The following LCA5L variants were observed in gnomAD, a reference collection of about 807,000 sequenced individuals.
LCA5L encodes lebercilin LCA5 like, also known as lebercilin-like protein.
LCA5L carries 35 observed loss-of-function variants against 45.4 expected under a neutral mutation model. The ratio of observed to expected loss-of-function variants is 0.77; its 90% CI spans 0.59 to 1.02. The LOEUF (loss-of-function observed/expected upper bound fraction) is 1.02, where lower values mean the gene tolerates loss of function less well. Among genes scored for constraint, LCA5L ranks in the 50% least tolerant of loss-of-function variants. The pLI is 0.00. For synonymous variants in LCA5L, 233 were observed against 264.7 expected (o/e 0.88, Z 1.16); for missense variants, 668 against 761.6 (o/e 0.88, Z 1.45).
intron 7 of LCA5L, among the ~76,000 whole-genome samples, chr21:39,418,662 G>T (rs1017898631): frequency 6.6e-6 from 1 of 152,012 alleles, no homozygotes; most frequent in African/African-American, 2.4e-5. Flanking sequence ...ACCATGCCAA[G>T]CTAATTTTTG....
intron 1 of LCA5L, 104 bp downstream of exon 1, chr21:39,445,620 TG>T (rs2077405324): frequency 6.6e-6 from 1 of 152,614 alleles, no homozygotes; most frequent in Non-Finnish European, 1.5e-5. Flanking sequence ...CCGGCGATAC[TG>T]GAAGCCCAGA....
rs146234593 is a variant in LCA5L at position 39,417,320 on chromosome 21, A to C, written c.975+3386T>G. Reference sequence around the variant, plus strand: ...CTCCCAAAGTGCTGGGATTACAGGCATGAGCCACTGTACCCAGCTGCTTTT... The same window carrying C: ...CTCCCAAAGTGCTGGGATTACAGGCCTGAGCCACTGTACCCAGCTGCTTTT... On this transcript the variant is annotated intron_variant, in intron 7 of 10. Coordinates refer to ENST00000288350, the MANE Select transcript of LCA5L (RefSeq NM_152505.4). Among the ~76,000 whole-genome samples, 519 of 152,282 alleles carry C rather than the reference A, an allele frequency of 3.4e-3. 2 individuals are homozygous for C. Among genetic ancestry groups the C allele is most frequent in the African/African-American group, 0.012 (498 of 41,542 alleles).
intron 7 of LCA5L, among the ~76,000 whole-genome samples, chr21:39,418,067 G>T (rs1055895887): frequency 6.6e-6 from 1 of 152,168 alleles, no homozygotes; most frequent in Non-Finnish European, 1.5e-5. Context: ...CGCCCAGCGG[G>T]GGAGTTTCTT....
At position 39,405,785 on chromosome 21, in the gene LCA5L, A is replaced by G. The variant is rs2039006088; in HGVS notation, c.*97T>C. On this transcript the variant is annotated 3_prime_UTR_variant, in exon 11 of 11. Transcript: ENST00000288350. The stretch of plus-strand genomic sequence containing the variant: ...GTCAATTAAGTACTAAAACACACAC[A>G]TACATACACTCCCTCTCTCACACAT... The G allele has an allele frequency of 1.1e-6, 1 of 941,236 alleles. No homozygotes were observed. The highest frequency in any genetic ancestry group is 2.0e-5 in the South Asian group (1 of 49,362). 58.3% of individuals were successfully genotyped at this position (941,236 alleles called of 1,614,324 possible).
rs1247730746 is a variant in LCA5L, at chr21:39,423,223, G to A, written c.590C>T (p.Pro197Leu). ...GKYENSQNNL[P>L]QIMAKHQNEV... ...ATTCTGATGTTTAGCCATAATTTGA[G>A]GTAGATTATTTTGTGAATTCTCATA... The change falls in exon 6 of 11, where the codon CCT (proline) becomes CTT (leucine). Residue 197 changes from proline (P) to leucine (L), a missense_variant. Transcript: ENST00000288350. 1.2e-6 allele frequency: 2 copies of A among 1,611,306 alleles called. No individual in the cohort carries two copies. Among genetic ancestry groups the A allele is most frequent in the Admixed American group, 3.4e-5 (2 of 59,528 alleles).
intron 2 of LCA5L, among the ~76,000 whole-genome samples, chr21:39,442,065 G>A (rs2076917825): frequency 6.8e-6 from 1 of 147,626 alleles, no homozygotes; most frequent in Non-Finnish European, 1.5e-5. Flanking sequence ...TGTCTTCAAG[G>A]AAGGAGATAC....
At position 39,405,863 on chromosome 21, in the gene LCA5L, A is replaced by G. The variant is rs1373988314; in HGVS notation, c.*19T>C. 9 of 1,512,326 alleles carry G rather than the reference A, an allele frequency of 6.0e-6. No individual in the cohort carries two copies. The highest frequency in any genetic ancestry group is 8.0e-6 in the Non-Finnish European group (9 of 1,118,328). 93.7% of individuals were successfully genotyped at this position (1,512,326 alleles called of 1,614,324 possible). A position where few individuals can be genotyped will look rare whatever the true frequency, so the allele number is the denominator to read the frequency against. On this transcript the variant is annotated 3_prime_UTR_variant, in exon 11 of 11. Coordinates refer to ENST00000288350, the MANE Select transcript of LCA5L (RefSeq NM_152505.4). ...GCAGCATTATATCAAACCAGAATGC[A>G]TTAGGATATTGATTATATTTAAATA...
At chr21:39,438,323 C>G (rs561150776) in intron 2 of LCA5L, among the ~76,000 whole-genome samples, 3 of 152,172 alleles carry the variant, frequency 2.0e-5, no homozygotes, top group South Asian at 2.1e-4. Flanking sequence ...TATTGCATTT[C>G]TTACACTAAA....
intron 5 of LCA5L, among the ~76,000 whole-genome samples, chr21:39,427,040 G>T (rs577203734): frequency 6.6e-6 from 1 of 152,330 alleles, no homozygotes; most frequent in East Asian, 1.9e-4. Flanking sequence ...TGAAGATTCT[G>T]GGTGTTCCAG....
Position 39,410,376 on chromosome 21 carries a change from C to T in LCA5L, c.1061-9G>A, listed in dbSNP as rs375124709. 15 of 1,455,336 alleles carry T rather than the reference C, an allele frequency of 1.0e-5. No individual in the cohort carries two copies. The African/African-American group carries it at 1.8e-4, about 18-fold the overall frequency. The allele number at this position is 1,455,336 out of a possible 1,614,324, so 90.2% of individuals were successfully genotyped here. ...TGATTTTGTTGAAGAAACTATGGAA[C>T]AGGTAGATTATATGTAAGAAACATA... On this transcript the variant is annotated splice_polypyrimidine_tract_variant and intron_variant, in intron 8 of 10. Transcript: ENST00000288350.
chr21:39,409,637 G>A lies in LCA5L; in HGVS notation c.1282+342C>T, dbSNP rs997337107. Among the ~76,000 whole-genome samples, 19 of 152,102 alleles carry A rather than the reference G, an allele frequency of 1.2e-4. No homozygotes were observed. The highest frequency in any genetic ancestry group is 5.2e-4 in the Admixed American group (8 of 15,274). On this transcript the variant is annotated intron_variant, in intron 10 of 10. Transcript: ENST00000288350. This position sits in a 1 kb window ranked among gnomAD's most constrained non-coding sequence, Gnocchi z 4.2. Reference sequence around the variant, plus strand: ...AGACAGAGTCTCACTCTGTCACCCAGGTTGGAGTGCAGTGGCACGATCTTG... The same window carrying A: ...AGACAGAGTCTCACTCTGTCACCCAAGTTGGAGTGCAGTGGCACGATCTTG...
Position 39,410,287 on chromosome 21 carries a change from C to A in LCA5L, c.1141G>T (p.Asp381Tyr), listed in dbSNP as rs201745046. 4 of 1,608,208 alleles carry A rather than the reference C, an allele frequency of 2.5e-6. No individual in the cohort carries two copies. Among genetic ancestry groups the A allele is most frequent in the African/African-American group, 2.7e-5 (2 of 74,826 alleles). Residue 381 changes from aspartate (D) to tyrosine (Y), a missense_variant, in exon 9 of 11, where the codon GAT (aspartate) becomes TAT (tyrosine). Asp to Tyr is a radical substitution (Grantham distance 160). Transcript: ENST00000288350. ...ACCTTAGTTGTCAAAGGTGGAACAT[C>A]TGATTTTTGGGTTCCCTGGTGTCTC... is the stretch of plus-strand genomic sequence containing the variant. ...SMRHQGTQKS[D>Y]VPPLTTKGKK...
At chr21:39,440,712 G>A (rs2076752703) in intron 2 of LCA5L, among the ~76,000 whole-genome samples, 1 of 152,118 alleles carries the variant, frequency 6.6e-6, no homozygotes, top group African/African-American at 2.4e-5. Context: ...GTGTCCATGG[G>A]CACTTGAGAA....
At chr21:39,421,991 G>C (rs922836206) in intron 6 of LCA5L, 14 of 152,144 alleles carry the variant, frequency 9.2e-5, no homozygotes, top group African/African-American at 2.7e-4. Flanking sequence ...CATACGCTAA[G>C]ATGAATACAA....
intron 7 of LCA5L, among the ~76,000 whole-genome samples, chr21:39,419,478 T>G (rs978321841): frequency 6.9e-6 from 1 of 145,012 alleles, no homozygotes; most frequent in East Asian, 2.0e-4. Flanking sequence ...TGAGCCAGGA[T>G]GGTGCCACCG....
rs989661772 is a variant in LCA5L, at chr21:39,405,731, G to T, written c.*151C>A. On this transcript the variant is annotated 3_prime_UTR_variant, in exon 11 of 11. Transcript: ENST00000288350. Reference sequence around the variant, plus strand: ...ATAAAATAGATTTTTTACTAGATTAGCAATCAAACAAAAATTTAATTATCG... The same window carrying T: ...ATAAAATAGATTTTTTACTAGATTATCAATCAAACAAAAATTTAATTATCG... The T allele has an allele frequency of 2.0e-6, 1 of 507,684 alleles. No homozygotes were observed. Among genetic ancestry groups the T allele is most frequent in the Non-Finnish European group, 3.3e-6 (1 of 305,660 alleles). 31.4% of individuals were successfully genotyped at this position (507,684 alleles called of 1,614,324 possible).
Position 39,423,298 on chromosome 21 carries a change from T to C in LCA5L, c.515A>G (p.Asn172Ser). ...HHKLEAILTE[N>S]QFLKQLQLRH... ...AAGCTGAAGTTGTTTCAAAAATTGG[T>C]TTTCTGTAAGGATGGCTTCCAATTT... Residue 172 changes from asparagine to serine, a missense_variant, in exon 6 of 11, where the codon AAC becomes AGC. By Grantham distance (46) the Asn-to-Ser change is conservative. Coordinates refer to ENST00000288350, the MANE Select transcript of LCA5L (RefSeq NM_152505.4). 2 of 1,608,876 alleles carry C rather than the reference T, an allele frequency of 1.2e-6. No homozygotes were observed. Among genetic ancestry groups the C allele is most frequent in the Non-Finnish European group, 1.7e-6 (2 of 1,178,602 alleles).
chr21:39,436,833 C>T (rs555155238), intron 2 of LCA5L, among the ~76,000 whole-genome samples: 1 of 152,176 alleles, frequency 6.6e-6, no homozygotes, highest in Admixed American at 6.6e-5. Context: ...AAAAAACTTA[C>T]TCAGCATGCA....
At chr21:39,411,834 A>G (rs1356114354) in intron 7 of LCA5L, 32 bp from the exon 8 acceptor site, 13 of 1,266,188 alleles carry the variant, frequency 1.0e-5, no homozygotes, top group Non-Finnish European at 1.5e-5. Context: ...ATTTTTCTAT[A>G]AATGCTTGCT....
Sources: gnomAD v4.1 joint callset for allele counts (sites outside exome capture counted in the v4.1 genomes callset) on GRCh38, gnomAD v4.1.1 for gene constraint, Gnocchi (gnomAD v3.1) non-coding constraint, MANE v1.5 for transcripts, NCBI Gene and HGNC (gene_info 2026-07-23, HGNC 2026-07-21) for gene names.